Variants in AKAP12 observed in about 807,000 individuals in gnomAD.
AKAP12 encodes the protein A-kinase anchoring protein 12, also known as A-kinase anchor protein 12.
In AKAP12, 32 loss-of-function variants were observed where a neutral mutation model predicts 79.9. The ratio of observed to expected loss-of-function variants is 0.40; its 90% CI spans 0.30 to 0.54. The LOEUF (loss-of-function observed/expected upper bound fraction) is 0.54, where lower values mean the gene tolerates loss of function less well. Among genes scored for constraint, AKAP12 ranks in the 20% least tolerant of loss-of-function variants. AKAP12 has a pLI of 0.48. For missense variants in AKAP12, 2,074 were observed against 2,177.0 expected, an observed-to-expected ratio of 0.95 and a Z score of 0.94; for synonymous variants, 808 against 857.0, an observed-to-expected ratio of 0.94 and a Z score of 1.00.
chr6:151,273,210 G>T (rs977938848), intron 2 of AKAP12, among the ~76,000 whole-genome samples: 2 of 152,188 alleles, frequency 1.3e-5, no homozygotes, highest in African/African-American at 4.8e-5. Context: ...CCCCGCCCAG[G>T]CTGGACATTC....
chr6:151,270,665 A>G (rs560745870), intron 2 of AKAP12, among the ~76,000 whole-genome samples: 3 of 152,238 alleles, frequency 2.0e-5, no homozygotes, highest in African/African-American at 7.2e-5. Context: ...GAGGGTTCCA[A>G]TTTCTCTATA....
rs535079953 is a variant in AKAP12, at chr6:151,313,087, A to G, written c.319+7184A>G. On this transcript the variant is annotated intron_variant, in intron 3 of 4. Transcript: ENST00000402676. Reference sequence around the variant, plus strand: ...CTGCTTAAAGACTGCGGCTTTGTACATTTTATCCAAGGCTCTCTTTCCTTT... The same window carrying G: ...CTGCTTAAAGACTGCGGCTTTGTACGTTTTATCCAAGGCTCTCTTTCCTTT... 1.2e-3 allele frequency among the ~76,000 whole-genome samples: 183 copies of G among 152,254 alleles called. 3 individuals are homozygous for G. In the South Asian group the frequency reaches 0.012, roughly 10 times the overall value.
At chr6:151,275,356 A>T (rs934297752) in intron 2 of AKAP12, among the ~76,000 whole-genome samples, 18 of 151,992 alleles carry the variant, frequency 1.2e-4, no homozygotes, top group African/African-American at 4.4e-4. Flanking sequence ...TTCCAATGCT[A>T]TTTGCTTTCG....
Position 151,352,945 on chromosome 6 carries a change from G to C in AKAP12, c.4554G>C (p.Gln1518His). Reference sequence around the variant, plus strand: ...GGAAGTCAGATGAAGTCGATGAGCAGGTTGCTTGCCAGGAGGTCAAAGTGA... The same window carrying C: ...GGAAGTCAGATGAAGTCGATGAGCACGTTGCTTGCCAGGAGGTCAAAGTGA... ...LKWKSDEVDE[Q>H]VACQEVKVSV... Residue 1518 changes from glutamine (Q) to histidine (H), a missense_variant, in exon 4 of 5, where the codon CAG becomes CAC. Gln to His is a conservative substitution (Grantham distance 24). Coordinates refer to ENST00000402676, the MANE Select transcript of AKAP12 (RefSeq NM_005100.4). 1 of 1,611,418 alleles carries C rather than the reference G, an allele frequency of 6.2e-7. No individual in the cohort carries two copies. Among genetic ancestry groups the C allele is most frequent in the Non-Finnish European group, 8.5e-7 (1 of 1,179,656 alleles).
intron 2 of AKAP12, among the ~76,000 whole-genome samples, chr6:151,259,947 G>A (rs1045014014): frequency 1.3e-5 from 2 of 151,768 alleles, no homozygotes; most frequent in African/African-American, 2.4e-5. Context: ...GTGAATGAAG[G>A]ACATGGGATT....
At chr6:151,311,511 AC>A (rs1777100258) in intron 3 of AKAP12, among the ~76,000 whole-genome samples, 1 of 151,974 alleles carries the variant, frequency 6.6e-6, no homozygotes, top group Non-Finnish European at 1.5e-5. Context: ...CTGTGATCAC[AC>A]CCCCCACCCC....
Position 151,241,353 on chromosome 6 carries a change from C to A in AKAP12, c.162+629C>A, listed in dbSNP as rs552110968. 5.3e-5 allele frequency among the ~76,000 whole-genome samples: 8 copies of A among 152,360 alleles called. No homozygotes were observed. The South Asian group carries it at 1.4e-3, about 28-fold the overall frequency. ...GAGCCAGGAAAAACCTGGGCAGGCG[C>A]TGCGTTTCCAGAAGGAATGACAGGT... On this transcript the variant is annotated intron_variant, in intron 2 of 4. Coordinates refer to ENST00000402676, the MANE Select transcript of AKAP12 (RefSeq NM_005100.4).
chr6:151,312,501 C>T (rs1445174173), intron 3 of AKAP12, among the ~76,000 whole-genome samples: 2 of 150,394 alleles, frequency 1.3e-5, no homozygotes, highest in East Asian at 3.9e-4. Flanking sequence ...ATATAAGAAT[C>T]ATGAGGACGG....
intron 2 of AKAP12, among the ~76,000 whole-genome samples, chr6:151,297,691 G>C (rs190364643): frequency 6.6e-6 from 1 of 152,060 alleles, no homozygotes; most frequent in Non-Finnish European, 1.5e-5. Flanking sequence ...GTGCAGCCCC[G>C]TGTGAATGTG....
intron 2 of AKAP12, among the ~76,000 whole-genome samples, chr6:151,257,859 G>A (rs1797331853): frequency 6.6e-6 from 1 of 152,228 alleles, no homozygotes; most frequent in Admixed American, 6.5e-5. Context: ...TTGGGTGGAA[G>A]AGAAAGAGGA....
intron 3 of AKAP12, among the ~76,000 whole-genome samples, chr6:151,346,317 T>C (rs1778102021): frequency 6.6e-6 from 1 of 152,178 alleles, no homozygotes; most frequent in African/African-American, 2.4e-5. Flanking sequence ...AGTAAACACT[T>C]ATATACACTT....
intron 2 of AKAP12, 42 bp downstream of exon 2, chr6:151,240,766 TTTGGGGGTGGGG>T: frequency 2.2e-6 from 2 of 902,738 alleles, no homozygotes; most frequent in Non-Finnish European, 2.7e-6. Flanking sequence ...GGCGCGGGTC[TTTGGGGGTGGGG>T]GTGGGGGTGG....
Position 151,240,555 on chromosome 6 carries a change from G to T in AKAP12, c.-8G>T. ...GGCGGCTAGGCGCGGGAGAAGTGCGGAGGAGCCATGGGCGCCGGGAGCTCC... is the reference window on the plus strand; with the variant it reads ...GGCGGCTAGGCGCGGGAGAAGTGCGTAGGAGCCATGGGCGCCGGGAGCTCC... On this transcript the variant is annotated 5_prime_UTR_variant, in exon 2 of 5. Transcript: ENST00000402676. 6.9e-7 allele frequency: 1 copy of T among 1,442,352 alleles called. No homozygotes were observed. Among genetic ancestry groups the T allele is most frequent in the South Asian group, 1.4e-5 (1 of 73,014 alleles). The allele number at this position is 1,442,352 out of a possible 1,614,324, so 89.3% of individuals were successfully genotyped here.
intron 3 of AKAP12, among the ~76,000 whole-genome samples, chr6:151,347,652 A>G (rs1405171291): frequency 2.0e-5 from 3 of 152,260 alleles, no homozygotes; most frequent in African/African-American, 7.2e-5. Flanking sequence ...GTAGACATTA[A>G]TCTATTAAGA....
In AKAP12 at chr6:151,249,954, G is replaced by A. The variant is rs575230029; in HGVS notation, c.162+9230G>A. 2.6e-5 allele frequency among the ~76,000 whole-genome samples: 4 copies of A among 152,246 alleles called. No homozygotes were observed. The East Asian group carries it at 5.8e-4, about 22-fold the overall frequency. ...CAACATGTGGCTCGTGGGCATGGTGGCTCACACCTGGTGGGCATGGTGGCT... is the reference window on the plus strand; with the variant it reads ...CAACATGTGGCTCGTGGGCATGGTGACTCACACCTGGTGGGCATGGTGGCT... On this transcript the variant is annotated intron_variant, in intron 2 of 4. Transcript: ENST00000402676.
At chr6:151,303,955 C>G (rs1305951600) in intron 2 of AKAP12, among the ~76,000 whole-genome samples, 2 of 152,146 alleles carry the variant, frequency 1.3e-5, no homozygotes, top group Non-Finnish European at 2.9e-5. Flanking sequence ...CATGATGCCC[C>G]CATTCCTGAG....
chr6:151,348,681 C>CAT, intron 3 of AKAP12, 30 bp from the exon 4 acceptor site: 6 of 218,346 alleles, frequency 2.7e-5, no homozygotes, highest in South Asian at 1.0e-4. Flanking sequence ...TTTCTCTTCT[C>CAT]CCCACCCCCC....
chr6:151,325,587 G>A lies in AKAP12; in HGVS notation c.319+19684G>A, dbSNP rs149064724. 6.0e-4 allele frequency: 807 copies of A among 1,336,124 alleles called. 5 individuals are homozygous for A. In the African/African-American group the frequency reaches 0.011, roughly 19 times the overall value. 82.8% of individuals were successfully genotyped at this position (1,336,124 alleles called of 1,614,324 possible). Reference sequence around the variant, plus strand: ...GAAGTCCTGGAGCTCAGCAAGGGAGGGGCCAGCGCCAGCCCGCGTGTGGGT... The same window carrying A: ...GAAGTCCTGGAGCTCAGCAAGGGAGAGGCCAGCGCCAGCCCGCGTGTGGGT... On this transcript the variant is annotated intron_variant, in intron 3 of 4. Transcript: ENST00000402676.
chr6:151,336,238 G>T (rs748378027), intron 3 of AKAP12, among the ~76,000 whole-genome samples: 44 of 152,138 alleles, frequency 2.9e-4, no homozygotes, highest in Non-Finnish European at 5.3e-4. Flanking sequence ...TACAAGTGCA[G>T]GCATCTTTTT....
Sources: allele counts gnomAD v4.1 joint callset (sites outside exome capture counted in the v4.1 genomes callset), GRCh38; gene constraint gnomAD v4.1.1; transcripts MANE v1.5; gene names NCBI Gene and HGNC (gene_info 2026-07-23, HGNC 2026-07-21).